Variants in TFEC observed in about 807,000 individuals in gnomAD.
TFEC encodes class E basic helix-loop-helix protein 34.
In TFEC, 31 loss-of-function variants were observed where a neutral mutation model predicts 41.6. The ratio of observed to expected loss-of-function variants is 0.74; its 90% CI spans 0.56 to 1.01. The LOEUF is 1.01. TFEC is among the 50% of genes least tolerant of loss of function. The pLI, the probability that TFEC is intolerant of heterozygous loss-of-function variation, is 0.00. For synonymous variants in TFEC, 143 were observed against 140.6 expected (o/e 1.02, Z -0.12); for missense variants, 402 against 404.1 (o/e 0.99, Z 0.04).
intron 3 of TFEC, among the ~76,000 whole-genome samples, chr7:116,085,801 A>C (rs1390130972): frequency 6.6e-6 from 1 of 151,880 alleles, no homozygotes; most frequent in Non-Finnish European, 1.5e-5. Context: ...TATTTGGTTA[A>C]TTCATTCACA....
intron 3 of TFEC, among the ~76,000 whole-genome samples, chr7:116,044,413 C>T (rs1448485074): frequency 6.6e-6 from 1 of 152,208 alleles, no homozygotes; most frequent in African/African-American, 2.4e-5. Context: ...GTATTACATG[C>T]TTTGAACATA....
intron 3 of TFEC, among the ~76,000 whole-genome samples, chr7:116,072,040 AAC>A (rs1796842247): frequency 6.6e-6 from 1 of 151,602 alleles, no homozygotes; most frequent in Non-Finnish European, 1.5e-5. Flanking sequence ...CTTCATTGAA[AAC>A]ACATAAAATT....
chr7:116,105,465 C>G (rs894395141), intron 3 of TFEC, among the ~76,000 whole-genome samples: 1 of 152,188 alleles, frequency 6.6e-6, no homozygotes. Context: ...AAGAAACATA[C>G]ACAGGAGAAG....
intron 3 of TFEC, among the ~76,000 whole-genome samples, chr7:116,084,708 G>A (rs1797163833): frequency 6.6e-6 from 1 of 151,804 alleles, no homozygotes; most frequent in African/African-American, 2.4e-5. Flanking sequence ...CCTGGGATAT[G>A]TCACATCATC....
chr7:116,036,912 G>A (rs1040456590), intron 3 of TFEC, among the ~76,000 whole-genome samples: 3 of 152,040 alleles, frequency 2.0e-5, no homozygotes, highest in Admixed American at 6.6e-5. Context: ...GGTTTCCAAA[G>A]TCAAACATAA....
In TFEC at chr7:115,980,236, G is replaced by T. The variant is rs1352009830; in HGVS notation, c.180+4026C>A. ...CTGCAAAATTTTTCCTTTCCTCATG[G>T]AGGCATTCTCCTAGCTTCTCTCTCT... On this transcript the variant is annotated intron_variant, in intron 2 of 7. Coordinates refer to ENST00000265440, the MANE Select transcript of TFEC (RefSeq NM_012252.4). 2.0e-5 allele frequency among the ~76,000 whole-genome samples: 3 copies of T among 152,158 alleles called. No individual in the cohort carries two copies. In the East Asian group the frequency reaches 5.8e-4, roughly 29 times the overall value.
chr7:116,039,195 G>A (rs552454854), intron 3 of TFEC, among the ~76,000 whole-genome samples: 1 of 152,064 alleles, frequency 6.6e-6, no homozygotes, highest in Non-Finnish European at 1.5e-5. Context: ...GGAAATCACT[G>A]TTAATAAAAG....
intron 1 of TFEC, among the ~76,000 whole-genome samples, chr7:116,136,114 T>C (rs943183253): frequency 6.6e-6 from 1 of 152,028 alleles, no homozygotes; most frequent in East Asian, 1.9e-4. Context: ...AAGAAGTATC[T>C]TGATTATTGT....
chr7:116,077,182 C>T (rs981575902), intron 3 of TFEC, among the ~76,000 whole-genome samples: 4 of 152,066 alleles, frequency 2.6e-5, no homozygotes, highest in Non-Finnish European at 4.4e-5. Flanking sequence ...AACTAAGCTT[C>T]GTAAATGAAG....
At chr7:116,075,261 C>T (rs555336270) in intron 3 of TFEC, among the ~76,000 whole-genome samples, 12 of 152,190 alleles carry the variant, frequency 7.9e-5, no homozygotes, top group Admixed American at 5.9e-4. Flanking sequence ...ATTAAGATGG[C>T]GGACAGGTGG....
chr7:116,159,489 T>C (rs750185990), intron 1 of TFEC, among the ~76,000 whole-genome samples: 1 of 152,028 alleles, frequency 6.6e-6, no homozygotes, highest in Non-Finnish European at 1.5e-5. Context: ...GAAACCATTT[T>C]GCACAGTCCA....
intron 6 of TFEC, among the ~76,000 whole-genome samples, chr7:115,945,675 A>G (rs897603331): frequency 4.6e-5 from 7 of 151,814 alleles, no homozygotes; most frequent in Middle Eastern, 3.2e-3. Flanking sequence ...CCTACATACA[A>G]CACAATAGAA....
chr7:116,001,153 A>G (rs1228358669), intron 1 of TFEC, among the ~76,000 whole-genome samples: 1 of 152,180 alleles, frequency 6.6e-6, no homozygotes, highest in Non-Finnish European at 1.5e-5. Flanking sequence ...CATAAATGTA[A>G]AGTGAATTCA....
intron 5 of TFEC, among the ~76,000 whole-genome samples, chr7:115,952,123 C>T (rs764218001): frequency 9.9e-5 from 15 of 152,032 alleles, no homozygotes; most frequent in Non-Finnish European, 1.9e-4. Context: ...CCTTGGTGAA[C>T]TTACTCTACA....
At chr7:115,991,439 TAA>T (rs1167652578) in intron 1 of TFEC, among the ~76,000 whole-genome samples, 2 of 152,052 alleles carry the variant, frequency 1.3e-5, no homozygotes, top group Admixed American at 6.5e-5. Flanking sequence ...GCAAATTGGA[TAA>T]AGAGTCAAGA....
Position 116,129,309 on chromosome 7 carries a change from GT to G in TFEC, c.-68-17272del, listed in dbSNP as rs201741968. Reference sequence around the variant, plus strand: ...TTCTCTTTTTGTTGAAATAGTTTTTGTTTTTTCAATCTCACCCTTGTCCTTT... The same window carrying G: ...TTCTCTTTTTGTTGAAATAGTTTTTGTTTTTCAATCTCACCCTTGTCCTTT... On this transcript the variant is annotated intron_variant, in intron 1 of 8. Transcript: ENST00000484212. Among the ~76,000 whole-genome samples, 1,219 of 150,510 alleles carry G rather than the reference GT, an allele frequency of 8.1e-3. 20 individuals are homozygous for G. Among genetic ancestry groups the G allele is most frequent in the African/African-American group, 0.028 (1,139 of 41,100 alleles).
intron 3 of TFEC, among the ~76,000 whole-genome samples, chr7:116,038,177 T>A (rs936760150): frequency 6.6e-5 from 10 of 152,188 alleles, no homozygotes; most frequent in African/African-American, 2.4e-4. Flanking sequence ...TCTTCTATAA[T>A]ACCAAGGACT....
At chr7:116,000,916 C>T (rs988753767) in intron 1 of TFEC, among the ~76,000 whole-genome samples, 1 of 151,156 alleles carries the variant, frequency 6.6e-6, no homozygotes, top group South Asian at 2.1e-4. Flanking sequence ...TATCAAAATA[C>T]TAATGACATT....
intron 1 of TFEC, among the ~76,000 whole-genome samples, chr7:116,011,566 A>ATG (rs1334453867): frequency 1.3e-5 from 2 of 152,186 alleles, no homozygotes; most frequent in African/African-American, 4.8e-5. Flanking sequence ...TGAAATATAT[A>ATG]TTCTTTTAAT....
Sources: allele counts gnomAD v4.1 joint callset (sites outside exome capture counted in the v4.1 genomes callset), GRCh38; gene constraint gnomAD v4.1.1; transcripts MANE v1.5; gene names NCBI Gene and HGNC (gene_info 2026-07-23, HGNC 2026-07-21).